Variants in JMJD1C observed in about 807,000 individuals in gnomAD.
The protein encoded by JMJD1C is jumonji domain containing 1C, also known as jumonji domain-containing protein 1C.
Under a neutral mutation model 245.3 loss-of-function variants are expected in JMJD1C, and 31 were observed. That is an observed-to-expected ratio of 0.13 (90% CI 0.09 to 0.17). The LOEUF (loss-of-function observed/expected upper bound fraction) is 0.17, where lower values mean the gene tolerates loss of function less well. Ranked by LOEUF, JMJD1C falls within the 10% of genes least tolerant of loss-of-function variation. The pLI, the probability that JMJD1C is intolerant of heterozygous loss-of-function variation, is 1.00. For missense variants in JMJD1C, 2,691 were observed against 3,000.2 expected (o/e 0.90, Z 2.41); for synonymous variants, 1,057 against 1,017.4 (o/e 1.04, Z -0.74).
intron 2 of JMJD1C, among the ~76,000 whole-genome samples, chr10:63,281,312 T>G (rs1053550678): frequency 5.5e-5 from 8 of 144,270 alleles, no homozygotes; most frequent in Admixed American, 6.8e-5. Context: ...TTTTTCTGTT[T>G]TTTTTTTTTG....
upstream of JMJD1C, chr10:63,466,149 GGCGGCGGCA>G: frequency 2.7e-5 from 5 of 188,326 alleles, no homozygotes; most frequent in Non-Finnish European, 3.1e-5. Flanking sequence ...AGGCGGCGGC[GGCGGCGGCA>G]GCGGGAGACG....
At chr10:63,430,018 AT>A (rs1950655662) in intron 1 of JMJD1C, among the ~76,000 whole-genome samples, 1 of 152,214 alleles carries the variant, frequency 6.6e-6, no homozygotes, top group African/African-American at 2.4e-5. Flanking sequence ...GAATAAAAAA[AT>A]CATGTTTATT....
At chr10:63,474,689 A>G (rs1953603908) in intron 1 of JMJD1C, among the ~76,000 whole-genome samples, 1 of 152,108 alleles carries the variant, frequency 6.6e-6, no homozygotes, top group South Asian at 2.1e-4. Flanking sequence ...GCGTTACGCA[A>G]TCCTCTCACC....
At chr10:63,247,382 T>C (rs1011292684) in intron 3 of JMJD1C, among the ~76,000 whole-genome samples, 2 of 151,610 alleles carry the variant, frequency 1.3e-5, no homozygotes, top group Admixed American at 1.3e-4. Flanking sequence ...CCTACCAAAA[T>C]TGAACCAGGA....
upstream of JMJD1C, among the ~76,000 whole-genome samples, chr10:63,469,542 C>T (rs562203429): frequency 6.6e-6 from 1 of 152,274 alleles, no homozygotes; most frequent in African/African-American, 2.4e-5. Flanking sequence ...TTAGCACTTA[C>T]TATGTGGGTC....
intron 25 of JMJD1C, 58 bp from the exon 26 acceptor site, chr10:63,168,192 TGAC>T: frequency 1.6e-6 from 2 of 1,281,614 alleles, no homozygotes; most frequent in East Asian, 4.6e-5. Flanking sequence ...AATTAAAAAA[TGAC>T]AACTTCCAGA....
At chr10:63,183,373 G>T in intron 22 of JMJD1C, 74 bp downstream of exon 22, 1 of 1,325,876 alleles carries the variant, frequency 7.5e-7, no homozygotes, top group Non-Finnish European at 1.0e-6. Context: ...CTCAGAAGCT[G>T]ATATTCTGGA....
intron 2 of JMJD1C, among the ~76,000 whole-genome samples, chr10:63,306,025 G>T (rs1011937088): frequency 2.6e-5 from 4 of 151,908 alleles, no homozygotes; most frequent in Non-Finnish European, 4.4e-5. Flanking sequence ...GCCCGGTAGA[G>T]ACCCCATCTC....
intron 2 of JMJD1C, among the ~76,000 whole-genome samples, chr10:63,351,678 A>G (rs1437316325): frequency 6.6e-6 from 1 of 152,196 alleles, no homozygotes; most frequent in Non-Finnish European, 1.5e-5. Context: ...AAGACTAACA[A>G]GAGACCTACA....
At chr10:63,333,015 ATTGT>A (rs1249648098) in intron 2 of JMJD1C, among the ~76,000 whole-genome samples, 1 of 152,196 alleles carries the variant, frequency 6.6e-6, no homozygotes, top group Non-Finnish European at 1.5e-5. Context: ...TTCTATCAGC[ATTGT>A]TTAAGCTTAA....
chr10:63,247,391 G>C (rs1021401929), intron 3 of JMJD1C, among the ~76,000 whole-genome samples: 3 of 151,946 alleles, frequency 2.0e-5, no homozygotes, highest in Admixed American at 6.6e-5. Flanking sequence ...ATTGAACCAG[G>C]AAAGAAAAGA....
At chr10:63,376,348 T>C (rs1276328058) in intron 2 of JMJD1C, among the ~76,000 whole-genome samples, 2 of 152,180 alleles carry the variant, frequency 1.3e-5, no homozygotes, top group African/African-American at 4.8e-5. Flanking sequence ...GGGGAAAAGC[T>C]TCATGACATG....
intron 2 of JMJD1C, among the ~76,000 whole-genome samples, chr10:63,323,697 A>G (rs954031582): frequency 1.3e-5 from 2 of 152,204 alleles, no homozygotes; most frequent in African/African-American, 4.8e-5. Flanking sequence ...GGCTAGTACA[A>G]TGGCCTGCGG....
rs1434364861 is a variant in JMJD1C at position 63,193,427 on chromosome 10, T to C, written c.5780A>G (p.Tyr1927Cys). 3 of 1,599,312 alleles carry C rather than the reference T, an allele frequency of 1.9e-6. No homozygotes were observed. In the South Asian group the frequency reaches 3.4e-5, roughly 18 times the overall value. Residue 1927 changes from tyrosine to cysteine, a missense_variant, in exon 15 of 26, where the codon TAT (tyrosine) becomes TGT (cysteine). Tyr to Cys is a radical substitution (Grantham distance 194). Around this residue, in one of 9 missense-constraint regions of JMJD1C, gnomAD observed 275 missense variants for 285.5 expected, o/e 0.96. Coordinates refer to ENST00000399262, the MANE Select transcript of JMJD1C (RefSeq NM_032776.3). ...LDAMHTLREK[Y>C]GIKSHCHCTN... is the part of the protein sequence containing the mutation. Reference sequence around the variant, plus strand: ...ACAATGACAATGGGATTTAATACCATATTTTTCCCTAAGAGTGTGCATGGC... The same window carrying C: ...ACAATGACAATGGGATTTAATACCACATTTTTCCCTAAGAGTGTGCATGGC...
At chr10:63,516,123 T>C (rs1042445327) in intron 1 of JMJD1C, among the ~76,000 whole-genome samples, 4 of 123,392 alleles carry the variant, frequency 3.2e-5, no homozygotes, top group African/African-American at 7.8e-5. Context: ...GGCTGGCTGG[T>C]TGTCACATCG....
In JMJD1C at chr10:63,474,856, TA is replaced by T. The variant is rs35508893; in HGVS notation, n.113+46881del. On this transcript the variant is annotated intron_variant and non_coding_transcript_variant, in intron 1 of 3. Coordinates refer to the JMJD1C transcript ENST00000633035. The stretch of plus-strand genomic sequence containing the variant: ...TCCAGTCAGCCTACTCTCAAATTAT[TA>T]AAAAAAAAAAAGAATGAGTAATAAT... 8.3e-3 allele frequency among the ~76,000 whole-genome samples: 1,192 copies of T among 144,340 alleles called. 12 individuals are homozygous for T. Among genetic ancestry groups the T allele is most frequent in the African/African-American group, 0.026 (1,026 of 39,190 alleles). 94.7% of individuals were successfully genotyped at this position (144,340 alleles called of 152,430 possible). A position where few individuals can be genotyped will look rare whatever the true frequency, so the allele number is the denominator to read the frequency against.
At chr10:63,324,056 T>TTC (rs1941241076) in intron 2 of JMJD1C, among the ~76,000 whole-genome samples, 1 of 147,902 alleles carries the variant, frequency 6.8e-6, no homozygotes, top group African/African-American at 2.5e-5. Flanking sequence ...TTTTTTTTTT[T>TTC]CTATGTGGGC....
chr10:63,193,811 C>T (rs1845128608), intron 14 of JMJD1C, among the ~76,000 whole-genome samples: 1 of 152,094 alleles, frequency 6.6e-6, no homozygotes, highest in Non-Finnish European at 1.5e-5. Flanking sequence ...GGACTACAGG[C>T]ACCTGCCACC....
chr10:63,268,113 A>G (rs931548010), intron 2 of JMJD1C, among the ~76,000 whole-genome samples: 2 of 40,936 alleles, frequency 4.9e-5, no homozygotes, highest in African/African-American at 2.4e-4. Flanking sequence ...TAACAATTCC[A>G]AGTTAAAAAA....
Sources: gnomAD v4.1 joint callset for allele counts (sites outside exome capture counted in the v4.1 genomes callset) on GRCh38, gnomAD v4.1.1 for gene constraint, gnomAD v4.1.1 regional missense constraint, MANE v1.5 for transcripts, NCBI Gene and HGNC (gene_info 2026-07-23, HGNC 2026-07-21) for gene names.